Variants in TMOD1 observed in about 807,000 individuals in gnomAD.
The protein encoded by TMOD1 is tropomodulin 1.
Under a neutral mutation model 40.6 loss-of-function variants are expected in TMOD1, and 17 were observed. The ratio of observed to expected loss-of-function variants is 0.42; its 90% CI spans 0.29 to 0.63. The LOEUF (loss-of-function observed/expected upper bound fraction) is 0.63. TMOD1 is among the 20% of genes least tolerant of loss of function. The probability of loss-of-function intolerance (pLI) is 0.22; values close to 1 mark genes in which losing one functional copy is unlikely to be tolerated. For missense variants in TMOD1, 391 were observed against 447.6 expected, an observed-to-expected ratio of 0.87 and a Z score of 1.14; for synonymous variants, 181 against 175.0, an observed-to-expected ratio of 1.03 and a Z score of -0.27.
At chr9:97,565,321 C>T (rs1453965952) in intron 6 of TMOD1, among the ~76,000 whole-genome samples, 2 of 152,192 alleles carry the variant, frequency 1.3e-5, no homozygotes, top group South Asian at 2.1e-4. Context: ...TGGGCCGGCC[C>T]AAGCATCACC....
Position 97,599,506 on chromosome 9 carries a change from AAAC to A in TMOD1, c.1016-123_1016-121del, listed in dbSNP as rs1379658094. The A allele has an allele frequency of 3.3e-5, 40 of 1,198,296 alleles. No individual in the cohort carries two copies. In the East Asian group the frequency reaches 4.8e-4, roughly 15 times the overall value. The allele number at this position is 1,198,296 out of a possible 1,614,324, so 74.2% of individuals were successfully genotyped here. Reference sequence around the variant, plus strand: ...ACAACTCACACATACTGTCCTTTCAAAACAACAGACTTCAGACTCTGTTAACAA... The same window carrying A: ...ACAACTCACACATACTGTCCTTTCAAAACAGACTTCAGACTCTGTTAACAA... On this transcript the variant is annotated intron_variant, in intron 9 of 9. Transcript: ENST00000259365.
At chr9:97,527,815 G>GA (rs1465407654) in intron 2 of TMOD1, among the ~76,000 whole-genome samples, 2 of 152,216 alleles carry the variant, frequency 1.3e-5, no homozygotes, top group Non-Finnish European at 2.9e-5. Flanking sequence ...TCCCGCGGGG[G>GA]AATCTCTGCC....
intron 8 of TMOD1, among the ~76,000 whole-genome samples, chr9:97,586,725 C>A (rs1349116764): frequency 2.6e-5 from 4 of 151,582 alleles, no homozygotes; most frequent in South Asian, 2.1e-4. Flanking sequence ...TTTTTTAAGC[C>A]CGTCGGAAAA....
chr9:97,527,600 G>C (rs1299937976), intron 2 of TMOD1, among the ~76,000 whole-genome samples: 1 of 152,190 alleles, frequency 6.6e-6, no homozygotes, highest in African/African-American at 2.4e-5. Context: ...GGTTTCTGTG[G>C]AGGGTCAGAT....
chr9:97,599,376 T>G (rs1361598841), intron 9 of TMOD1, among the ~76,000 whole-genome samples: 1 of 152,156 alleles, frequency 6.6e-6, no homozygotes, highest in Non-Finnish European at 1.5e-5. Context: ...ATAGCCGACT[T>G]ATAACGTGGG....
intron 9 of TMOD1, among the ~76,000 whole-genome samples, chr9:97,592,822 C>T (rs1351880829): frequency 6.6e-6 from 1 of 152,122 alleles, no homozygotes; most frequent in East Asian, 1.9e-4. Context: ...ATGTCACAGC[C>T]CAGGAGCTAT....
chr9:97,521,563 G>T (rs1361503706), intron 1 of TMOD1, among the ~76,000 whole-genome samples: 2 of 152,180 alleles, frequency 1.3e-5, no homozygotes, highest in African/African-American at 2.4e-5. Flanking sequence ...GGGCCTTCAG[G>T]AAGGTTTTTT....
intron 1 of TMOD1, among the ~76,000 whole-genome samples, chr9:97,507,924 C>T (rs747147713): frequency 3.9e-5 from 6 of 152,096 alleles, no homozygotes; most frequent in African/African-American, 1.2e-4. Context: ...GTAGTTAAGG[C>T]GGACTCCGGA....
At chr9:97,537,719 T>G (rs1830206165) in intron 2 of TMOD1, among the ~76,000 whole-genome samples, 1 of 152,250 alleles carries the variant, frequency 6.6e-6, no homozygotes, top group Non-Finnish European at 1.5e-5. Context: ...ATAGTCATTT[T>G]CAAGAACAAA....
intron 1 of TMOD1, among the ~76,000 whole-genome samples, chr9:97,520,831 T>TCA (rs1829903813): frequency 6.6e-6 from 1 of 152,150 alleles, no homozygotes; most frequent in Non-Finnish European, 1.5e-5. Flanking sequence ...TATCCCTCCT[T>TCA]CAGCAGTCCT....
chr9:97,531,154 C>T (rs975218413), intron 2 of TMOD1, among the ~76,000 whole-genome samples: 6 of 150,500 alleles, frequency 4.0e-5, no homozygotes, highest in African/African-American at 1.2e-4. Flanking sequence ...ATTTTATGGG[C>T]ATCATTTCAT....
chr9:97,587,556 TCTAA>T, intron 8 of TMOD1, among the ~76,000 whole-genome samples: 1 of 130,930 alleles, frequency 7.6e-6, no homozygotes, highest in Admixed American at 8.1e-5. Context: ...TTCCCCGTTT[TCTAA>T]TTGTTTGTTT....
chr9:97,538,620 C>A (rs983638607), intron 2 of TMOD1, among the ~76,000 whole-genome samples: 3 of 152,170 alleles, frequency 2.0e-5, no homozygotes, highest in Non-Finnish European at 4.4e-5. Flanking sequence ...ATAGATTCTT[C>A]TTTGCTATTC....
chr9:97,519,204 C>T (rs894002485), intron 1 of TMOD1, among the ~76,000 whole-genome samples: 2 of 152,158 alleles, frequency 1.3e-5, no homozygotes, highest in Non-Finnish European at 2.9e-5. Flanking sequence ...AGGAGCTGCT[C>T]CTTCTCAGAG....
chr9:97,584,515 G>A (rs1045441293), intron 8 of TMOD1, among the ~76,000 whole-genome samples: 1 of 152,024 alleles, frequency 6.6e-6, no homozygotes, highest in African/African-American at 2.4e-5. Flanking sequence ...TGTCTATTAG[G>A]TCCGCCTGGT....
intron 1 of TMOD1, among the ~76,000 whole-genome samples, chr9:97,507,841 C>T (rs572731545): frequency 6.6e-6 from 1 of 152,180 alleles, no homozygotes; most frequent in African/African-American, 2.4e-5. Flanking sequence ...ATCAGTCTTT[C>T]AGGAGAGGGA....
At chr9:97,553,450 A>G (rs1315863302) in intron 4 of TMOD1, 50 bp downstream of exon 4, 4 of 1,611,194 alleles carry the variant, frequency 2.5e-6, no homozygotes, top group Non-Finnish European at 2.5e-6. Context: ...GATTTGACCC[A>G]CATCTGCAGG....
chr9:97,574,682 A>G (rs955949377), intron 8 of TMOD1, among the ~76,000 whole-genome samples: 1 of 152,184 alleles, frequency 6.6e-6, no homozygotes, highest in Non-Finnish European at 1.5e-5. Flanking sequence ...TGGCTAAGGG[A>G]TGGCAAATCC....
At chr9:97,591,503 C>T in intron 9 of TMOD1, 68 bp downstream of exon 9, 1 of 1,551,890 alleles carries the variant, frequency 6.4e-7, no homozygotes, top group Non-Finnish European at 8.7e-7. Context: ...CTGGGGATGT[C>T]AGGGAAAATT....
Sources: allele counts gnomAD v4.1 joint callset (sites outside exome capture counted in the v4.1 genomes callset), GRCh38; gene constraint gnomAD v4.1.1; transcripts MANE v1.5; gene names NCBI Gene and HGNC (gene_info 2026-07-23, HGNC 2026-07-21).